The following KCNIP1 variants were observed in gnomAD, a reference collection of about 807,000 sequenced individuals.
KCNIP1 encodes the protein potassium voltage-gated channel interacting protein 1.
KCNIP1 carries 18 observed loss-of-function variants against 33.0 expected under a neutral mutation model. The observed-to-expected ratio is 0.55, with a 90% CI of 0.38 to 0.81. The LOEUF (loss-of-function observed/expected upper bound fraction) is 0.81. Ranked by LOEUF, KCNIP1 falls within the 30% of genes least tolerant of loss-of-function variation. KCNIP1 has a pLI of 0.00. For synonymous variants in KCNIP1, 93 were observed against 98.3 expected, an observed-to-expected ratio of 0.95 and a Z score of 0.32; for missense variants, 238 against 271.6, an observed-to-expected ratio of 0.88 and a Z score of 0.87.
chr5:170,529,358 A>T (rs1046210007), intron 1 of KCNIP1, among the ~76,000 whole-genome samples: 3 of 152,160 alleles, frequency 2.0e-5, no homozygotes, highest in African/African-American at 7.2e-5. Flanking sequence ...GCTGGCTCCC[A>T]TTGGCCTAGA....
chr5:170,354,496 G>T (rs974822480), intron 1 of KCNIP1, among the ~76,000 whole-genome samples: 2 of 152,170 alleles, frequency 1.3e-5, no homozygotes, highest in Non-Finnish European at 2.9e-5. Context: ...CCAGCGTCTC[G>T]TGCTTCTGGG....
chr5:170,722,573 G>A (rs2113876173), intron 4 of KCNIP1, 140 bp from the exon 5 acceptor site: 2 of 699,480 alleles, frequency 2.9e-6, no homozygotes, highest in Middle Eastern at 2.6e-4. Flanking sequence ...TCTTCACAGA[G>A]CATAGCCACA....
intron 1 of KCNIP1, among the ~76,000 whole-genome samples, chr5:170,670,428 G>T (rs1393275243): frequency 6.6e-6 from 1 of 152,150 alleles, no homozygotes; most frequent in Non-Finnish European, 1.5e-5. Flanking sequence ...ACAGGGAAGG[G>T]TTCAGTTCTC....
intron 1 of KCNIP1, among the ~76,000 whole-genome samples, chr5:170,606,192 T>C (rs187528618): frequency 6.6e-5 from 10 of 152,374 alleles, no homozygotes; most frequent in Admixed American, 6.5e-4. Flanking sequence ...TTGTGAATCA[T>C]GCTGCTATAA....
chr5:170,355,522 C>T (rs1368396472), intron 1 of KCNIP1, among the ~76,000 whole-genome samples: 1 of 152,146 alleles, frequency 6.6e-6, no homozygotes, highest in African/African-American at 2.4e-5. Flanking sequence ...ACCCCACACA[C>T]AGATGCTCCC....
intron 1 of KCNIP1, chr5:170,422,205 G>A (rs879804930): frequency 2.0e-5 from 3 of 152,116 alleles, no homozygotes; most frequent in Non-Finnish European, 2.9e-5. Context: ...ACATGCACCG[G>A]GCAGAATGTA....
rs58202125 is a variant in KCNIP1, at chr5:170,681,473, C to T, written c.62-37285C>T. ...GATGGATTATTAGCTATGGGTGAGG[C>T]CAGCACAACACATCACAATTCTCTC... On this transcript the variant is annotated intron_variant, in intron 1 of 7. Coordinates refer to ENST00000328939, the MANE Select transcript of KCNIP1 (RefSeq NM_014592.4). 336 of 230,846 alleles carry T rather than the reference C, an allele frequency of 1.5e-3. 2 individuals carry two copies. The East Asian group carries it at 0.023, about 16-fold the overall frequency. The allele number at this position is 230,846 out of a possible 1,614,324, so 14.3% of individuals were successfully genotyped here.
chr5:170,406,806 C>T lies in KCNIP1; in HGVS notation c.88+52842C>T, dbSNP rs551482927. On this transcript the variant is annotated intron_variant, in intron 1 of 7. Coordinates refer to the KCNIP1 transcript ENST00000377360. Reference sequence around the variant, plus strand: ...TGCCTAGAGCTTGGAGAACCCCAGGCCTTCCGCATTCATGAGGTCCAAGGC... The same window carrying T: ...TGCCTAGAGCTTGGAGAACCCCAGGTCTTCCGCATTCATGAGGTCCAAGGC... Among the ~76,000 whole-genome samples the T allele has an allele frequency of 9.8e-5, 15 of 152,288 alleles. No individual in the cohort carries two copies. The East Asian group carries it at 2.1e-3, about 22-fold the overall frequency.
intron 1 of KCNIP1, among the ~76,000 whole-genome samples, chr5:170,586,466 G>A (rs551387610): frequency 1.3e-3 from 203 of 152,320 alleles, no homozygotes; most frequent in Non-Finnish European, 2.1e-3. Flanking sequence ...ATTTGTTGCA[G>A]CAGAAATTGA....
intron 1 of KCNIP1, among the ~76,000 whole-genome samples, chr5:170,645,929 A>C (rs1376714691): frequency 6.6e-6 from 1 of 152,212 alleles, no homozygotes; most frequent in Non-Finnish European, 1.5e-5. Flanking sequence ...ACTACAGATC[A>C]CACAAACATC....
intron 1 of KCNIP1, among the ~76,000 whole-genome samples, chr5:170,505,679 G>T (rs181812206): frequency 2.6e-5 from 4 of 152,188 alleles, no homozygotes; most frequent in African/African-American, 9.6e-5. Context: ...AACTTGGTTG[G>T]TCTCACCCTG....
intron 1 of KCNIP1, among the ~76,000 whole-genome samples, chr5:170,714,602 A>T (rs1206059557): frequency 2.6e-5 from 4 of 152,206 alleles, no homozygotes; most frequent in Non-Finnish European, 5.9e-5. Flanking sequence ...CCTATTGCCC[A>T]GTGACTTCTT....
rs150688547 is a variant in KCNIP1, at chr5:170,378,953, G to A, written c.88+24989G>A. On this transcript the variant is annotated intron_variant, in intron 1 of 7. Transcript: ENST00000377360. ...CCCGGGCCGTCTGGTAATTGTCCAC[G>A]CTGCCTGGGATGTAGGAGCACTGTG... 7.2e-5 allele frequency: 116 copies of A among 1,614,080 alleles called. No homozygotes were observed. In the African/African-American group the frequency reaches 8.4e-4, roughly 12 times the overall value.
intron 1 of KCNIP1, chr5:170,385,539 C>A: frequency 7.0e-7 from 1 of 1,421,904 alleles, no homozygotes; most frequent in Admixed American, 1.7e-5. Flanking sequence ...AAAGAGAGGA[C>A]AGGTGAGAGG....
intron 1 of KCNIP1, among the ~76,000 whole-genome samples, chr5:170,491,034 A>C (rs1310706477): frequency 6.6e-6 from 1 of 152,192 alleles, no homozygotes; most frequent in East Asian, 1.9e-4. Context: ...AGGGTGCTAC[A>C]TCACCATCAC....
chr5:170,489,031 G>A lies in KCNIP1; in HGVS notation c.88+135067G>A, dbSNP rs1397371479. Among the ~76,000 whole-genome samples the A allele has an allele frequency of 2.0e-5, 3 of 151,690 alleles. No individual in the cohort carries two copies. Among genetic ancestry groups the A allele is most frequent in the African/African-American group, 7.2e-5 (3 of 41,410 alleles). On this transcript the variant is annotated intron_variant, in intron 1 of 7. Transcript: ENST00000377360. This position sits in a 1 kb window ranked among gnomAD's most constrained non-coding sequence, Gnocchi z 4.3. ...AAGAGTACTGACCCCGAGCCCACTC[G>A]GGCTCTGAGCAGAAGGAAGATTTCA...
chr5:170,567,674 A>G (rs916027440), intron 1 of KCNIP1, among the ~76,000 whole-genome samples: 1 of 152,206 alleles, frequency 6.6e-6, no homozygotes, highest in African/African-American at 2.4e-5. Flanking sequence ...AGTTGGATGG[A>G]GAACACCATG....
chr5:170,415,639 C>T (rs1581170809), intron 1 of KCNIP1, among the ~76,000 whole-genome samples: 1 of 152,206 alleles, frequency 6.6e-6, no homozygotes, highest in African/African-American at 2.4e-5. Flanking sequence ...TCCTATCAAC[C>T]CTCCAGGCTC....
At chr5:170,513,664 C>T (rs1755020812) in intron 1 of KCNIP1, among the ~76,000 whole-genome samples, 1 of 152,162 alleles carries the variant, frequency 6.6e-6, no homozygotes, top group South Asian at 2.1e-4. Context: ...CAGGACAGAG[C>T]CATGTGGACT....
Sources: gnomAD v4.1 joint callset for allele counts (sites outside exome capture counted in the v4.1 genomes callset) on GRCh38, gnomAD v4.1.1 for gene constraint, Gnocchi (gnomAD v3.1) non-coding constraint, MANE v1.5 for transcripts, NCBI Gene and HGNC (gene_info 2026-07-23, HGNC 2026-07-21) for gene names.